RICTOR: variants seen among roughly 807,000 people sequenced by gnomAD.
The protein encoded by RICTOR is RPTOR independent companion of MTOR complex 2, also known as rapamycin-insensitive companion of mTOR.
RICTOR carries 49 observed loss-of-function variants against 214.9 expected under a neutral mutation model. The observed-to-expected ratio is 0.23, with a 90% CI of 0.18 to 0.29. RICTOR has a LOEUF of 0.29. RICTOR is among the 10% of genes least tolerant of loss of function. The pLI is 1.00. For synonymous variants in RICTOR, 717 were observed against 711.3 expected, an observed-to-expected ratio of 1.01 and a Z score of -0.13; for missense variants, 1,625 against 2,047.0, an observed-to-expected ratio of 0.79 and a Z score of 3.98.
chr5:39,022,163 G>A (rs1274089495), intron 2 of RICTOR, among the ~76,000 whole-genome samples: 2 of 152,146 alleles, frequency 1.3e-5, no homozygotes, highest in Non-Finnish European at 2.9e-5. Flanking sequence ...GAATGTTTAA[G>A]GTAGGCTAGG....
At chr5:39,045,586 A>C (rs1757432181) in intron 2 of RICTOR, among the ~76,000 whole-genome samples, 1 of 152,190 alleles carries the variant, frequency 6.6e-6, no homozygotes, top group Admixed American at 6.5e-5. Flanking sequence ...TCACTATGTA[A>C]ATGAACCCTG....
intron 2 of RICTOR, among the ~76,000 whole-genome samples, chr5:39,034,917 G>A (rs867838652): frequency 6.6e-6 from 1 of 152,232 alleles, no homozygotes; most frequent in Non-Finnish European, 1.5e-5. Context: ...AAAGGCAGCA[G>A]TAACCTCTGC....
chr5:39,044,048 T>C (rs1260078160), intron 2 of RICTOR, among the ~76,000 whole-genome samples: 3 of 152,206 alleles, frequency 2.0e-5, no homozygotes, highest in African/African-American at 2.4e-5. Flanking sequence ...ATTTACTAAA[T>C]ACCCTGATTT....
At chr5:39,074,205 C>G (rs1302597308) in intron 1 of RICTOR, 47 bp from the exon 2 acceptor site, 2 of 1,585,020 alleles carry the variant, frequency 1.3e-6, no homozygotes, top group Non-Finnish European at 1.7e-6. Context: ...GCTCGCAGGC[C>G]AGCTGCGGCT....
chr5:39,069,527 C>G (rs1307518315), intron 2 of RICTOR, among the ~76,000 whole-genome samples: 1 of 152,144 alleles, frequency 6.6e-6, no homozygotes, highest in African/African-American at 2.4e-5. Flanking sequence ...AGGGTAAAGA[C>G]AGTAAGTCTG....
chr5:38,988,189 GT>G (rs1287013607), intron 7 of RICTOR, among the ~76,000 whole-genome samples: 6 of 152,150 alleles, frequency 3.9e-5, no homozygotes, highest in African/African-American at 1.4e-4. Context: ...TTGATTTGGG[GT>G]GGAGAGTTCT....
intron 2 of RICTOR, among the ~76,000 whole-genome samples, chr5:39,052,133 G>A (rs79401437): frequency 0.025 from 3,845 of 152,216 alleles, 72 homozygotes; most frequent in South Asian, 0.082. Context: ...CAGCACTTTG[G>A]GATGCTGATG....
chr5:38,970,540 A>G (rs1750693785), intron 11 of RICTOR: 1 of 152,190 alleles, frequency 6.6e-6, no homozygotes, highest in Non-Finnish European at 1.5e-5. Context: ...ATATCCTTCC[A>G]TTTCCATTAT....
chr5:39,046,297 G>A (rs1045764726), intron 2 of RICTOR, among the ~76,000 whole-genome samples: 1 of 150,930 alleles, frequency 6.6e-6, no homozygotes, highest in African/African-American at 2.4e-5. Flanking sequence ...CCAGGTGATT[G>A]AAGCTACAGT....
chr5:38,947,651 T>C (rs1434855051), intron 31 of RICTOR, among the ~76,000 whole-genome samples: 1 of 152,102 alleles, frequency 6.6e-6, no homozygotes, highest in East Asian at 1.9e-4. Flanking sequence ...ATGTTGACTG[T>C]TACCAAAAAC....
chr5:38,945,071 G>C lies in RICTOR; in HGVS notation c.4634-3C>G, dbSNP rs376583904. 1 of 1,579,906 alleles carries C rather than the reference G, an allele frequency of 6.3e-7. No individual in the cohort carries two copies. ...AGAATATGGAATATCTTGAAAGTCT[G>C]AAGAAAAAAATAATTATTTCAATTA... On this transcript the variant is annotated splice_polypyrimidine_tract_variant and splice_region_variant and intron_variant, in intron 34 of 37. Coordinates refer to ENST00000357387, the MANE Select transcript of RICTOR (RefSeq NM_152756.5).
At chr5:39,038,483 G>A (rs552348632) in intron 2 of RICTOR, among the ~76,000 whole-genome samples, 1,544 of 152,222 alleles carry the variant, frequency 0.01, 25 homozygotes, top group African/African-American at 0.034. Flanking sequence ...AATCAGGCAG[G>A]AGAAAGAAAT....
chr5:39,064,742 C>A (rs1210295632), intron 2 of RICTOR, among the ~76,000 whole-genome samples: 4 of 152,208 alleles, frequency 2.6e-5, no homozygotes. Flanking sequence ...AATACCACCA[C>A]TCCTACATGT....
rs1436150482 is a variant in RICTOR at position 38,953,443 on chromosome 5, G to A, written c.2790+18C>T. On this transcript the variant is annotated intron_variant, in intron 28 of 37. Coordinates refer to ENST00000357387, the MANE Select transcript of RICTOR (RefSeq NM_152756.5). ...ATCTAAAAATTGCGAAGATCTTACA[G>A]AAGTGTTTATTACAAACCAAGGCCC... 8 of 1,121,936 alleles carry A rather than the reference G, an allele frequency of 7.1e-6. No homozygotes were observed. Among genetic ancestry groups the A allele is most frequent in the South Asian group, 1.7e-5 (1 of 58,410 alleles). 69.5% of individuals were successfully genotyped at this position (1,121,936 alleles called of 1,614,324 possible).
Position 38,963,060 on chromosome 5 carries a change from C to G in RICTOR, c.1401-19G>C, listed in dbSNP as rs1749926691. On this transcript the variant is annotated intron_variant, in intron 16 of 37. Transcript: ENST00000357387. ...GGCTCGCCTAATGAGAAAAACAATT[C>G]AATCAATACAGTAGCAAGACCAATA... is the stretch of plus-strand genomic sequence containing the variant. 1 of 1,587,430 alleles carries G rather than the reference C, an allele frequency of 6.3e-7. No homozygotes were observed. The highest frequency in any genetic ancestry group is 1.3e-5 in the African/African-American group (1 of 74,156).
At chr5:38,973,253 T>C (rs2150045058) in intron 10 of RICTOR, among the ~76,000 whole-genome samples, 1 of 152,292 alleles carries the variant, frequency 6.6e-6, no homozygotes, top group South Asian at 2.1e-4. Context: ...TTTCACTGTA[T>C]GTAAATTTTA....
chr5:38,967,283 A>T, intron 13 of RICTOR, 54 bp downstream of exon 13: 1 of 1,594,454 alleles, frequency 6.3e-7, no homozygotes, highest in Non-Finnish European at 8.6e-7. Context: ...TACACAGTCT[A>T]ACATAAAAAC....
intron 2 of RICTOR, among the ~76,000 whole-genome samples, chr5:39,058,054 C>T (rs1281363806): frequency 1.3e-5 from 2 of 151,918 alleles, no homozygotes; most frequent in Non-Finnish European, 2.9e-5. Context: ...TGCCAAGTTG[C>T]TGTCAGGTAT....
Position 38,953,478 on chromosome 5 carries a change from C to G in RICTOR, c.2773G>C (p.Ala925Pro). Reference protein sequence around the residue: ...DKWEEIKKLKASLWALGNIGS... With the variant: ...DKWEEIKKLKPSLWALGNIGS... ...TTACAAACCAAGGCCCAAAGAGATG[C>G]TTTCAGTTTTTTAATTTCTTCCCAC... The change falls in exon 28 of 38, where the codon GCA becomes CCA. Residue 925 changes from alanine (A) to proline (P), a missense_variant. By Grantham distance (27) the Ala-to-Pro change is conservative. This residue lies in a region of RICTOR where 1,214 missense variants were observed against 1,470.5 expected (regional missense o/e 0.83). Coordinates refer to ENST00000357387, the MANE Select transcript of RICTOR (RefSeq NM_152756.5). The G allele has an allele frequency of 1.4e-6, 2 of 1,471,018 alleles. No homozygotes were observed. Among genetic ancestry groups the G allele is most frequent in the Non-Finnish European group, 1.8e-6 (2 of 1,095,296 alleles). The allele number at this position is 1,471,018 out of a possible 1,614,324, so 91.1% of individuals were successfully genotyped here. A position where few individuals can be genotyped will look rare whatever the true frequency, so the allele number is the denominator to read the frequency against.
Sources: gnomAD v4.1 joint callset for allele counts (sites outside exome capture counted in the v4.1 genomes callset) on GRCh38, gnomAD v4.1.1 for gene constraint, gnomAD v4.1.1 regional missense constraint, MANE v1.5 for transcripts, NCBI Gene and HGNC (gene_info 2026-07-23, HGNC 2026-07-21) for gene names.